Variants in NCAM2 observed in about 807,000 individuals in gnomAD.
NCAM2 encodes N-CAM-2.
In NCAM2, 30 loss-of-function variants were observed where a neutral mutation model predicts 98.1. The observed-to-expected ratio is 0.31, with a 90% CI of 0.23 to 0.41. NCAM2 has a LOEUF of 0.41. Among genes scored for constraint, NCAM2 ranks in the 10% least tolerant of loss-of-function variants. The pLI is 1.00. For missense variants in NCAM2, 867 were observed against 1,005.8 expected, an observed-to-expected ratio of 0.86 and a Z score of 1.87; for synonymous variants, 368 against 342.4, an observed-to-expected ratio of 1.07 and a Z score of -0.83.
intron 8 of NCAM2, among the ~76,000 whole-genome samples, chr21:21,348,039 C>T (rs1602059757): frequency 1.3e-5 from 2 of 152,022 alleles, no homozygotes; most frequent in East Asian, 3.9e-4. Flanking sequence ...AGTGTTTCCT[C>T]TAAGATCTGG....
At chr21:21,186,659 G>C (rs1372405734) in intron 1 of NCAM2, among the ~76,000 whole-genome samples, 1 of 151,902 alleles carries the variant, frequency 6.6e-6, no homozygotes, top group Non-Finnish European at 1.5e-5. Flanking sequence ...GAATTATTTG[G>C]ACATAAACAT....
At chr21:21,219,297 A>G (rs1020106187) in intron 1 of NCAM2, among the ~76,000 whole-genome samples, 2 of 152,226 alleles carry the variant, frequency 1.3e-5, no homozygotes, top group Non-Finnish European at 2.9e-5. Flanking sequence ...CAAGATTGTG[A>G]TAATTTGCTT....
intron 1 of NCAM2, among the ~76,000 whole-genome samples, chr21:21,236,286 C>T (rs1315033971): frequency 7.3e-6 from 1 of 137,146 alleles, no homozygotes; most frequent in East Asian, 1.9e-4. Flanking sequence ...GTTTGAAGAA[C>T]AAAAATTGTG....
At chr21:21,382,211 G>A (rs1441156573) in intron 9 of NCAM2, among the ~76,000 whole-genome samples, 1 of 152,032 alleles carries the variant, frequency 6.6e-6, no homozygotes, top group East Asian at 1.9e-4. Context: ...CTGAGCTTCT[G>A]GAATGTGGGG....
Position 21,513,484 on chromosome 21 carries a change from C to T in NCAM2, c.2282+4429C>T, listed in dbSNP as rs13313861. Reference sequence around the variant, plus strand: ...TCAGGAGCATATTTTTTTTAATTTCCATGTGTTTCTATTGTTTCCAAAGTT... The same window carrying T: ...TCAGGAGCATATTTTTTTTAATTTCTATGTGTTTCTATTGTTTCCAAAGTT... On this transcript the variant is annotated intron_variant, in intron 16 of 17. Transcript: ENST00000400546. Among the ~76,000 whole-genome samples, 1,041 of 151,214 alleles carry T rather than the reference C, an allele frequency of 6.9e-3. 13 individuals are homozygous for T. The highest frequency in any genetic ancestry group is 0.024 in the African/African-American group (1,001 of 41,218).
intron 9 of NCAM2, among the ~76,000 whole-genome samples, chr21:21,407,971 T>A (rs1423619392): frequency 6.6e-6 from 1 of 152,218 alleles, no homozygotes; most frequent in Non-Finnish European, 1.5e-5. Flanking sequence ...TTAGTTGAAC[T>A]GTTGAATTAA....
intron 1 of NCAM2, among the ~76,000 whole-genome samples, chr21:21,020,979 A>G (rs2064422448): frequency 1.3e-5 from 2 of 152,144 alleles, no homozygotes; most frequent in East Asian, 3.9e-4. Context: ...TATAGTAAAG[A>G]TTGTGGCAGT....
chr21:21,052,009 T>A (rs757062722), intron 1 of NCAM2, among the ~76,000 whole-genome samples: 19 of 151,956 alleles, frequency 1.3e-4, no homozygotes, highest in Non-Finnish European at 2.2e-4. Flanking sequence ...ATATGCAGGA[T>A]TTTTTTTAAC....
At chr21:21,431,766 T>G (rs2077350370) in intron 11 of NCAM2, among the ~76,000 whole-genome samples, 1 of 152,124 alleles carries the variant, frequency 6.6e-6, no homozygotes, top group South Asian at 2.1e-4. Context: ...TCTTTATCTC[T>G]CTTTTATTTT....
At chr21:21,203,325 T>G (rs1187270101) in intron 1 of NCAM2, among the ~76,000 whole-genome samples, 1 of 152,248 alleles carries the variant, frequency 6.6e-6, no homozygotes, top group African/African-American at 2.4e-5. Context: ...TATTCATTTA[T>G]GCTCACATAT....
intron 1 of NCAM2, among the ~76,000 whole-genome samples, chr21:21,002,984 TA>T (rs1355725661): frequency 6.6e-6 from 1 of 152,180 alleles, no homozygotes; most frequent in Non-Finnish European, 1.5e-5. Context: ...TTATTAAATG[TA>T]AAATTCCTGC....
At chr21:21,448,079 A>G (rs1171835409) in intron 12 of NCAM2, among the ~76,000 whole-genome samples, 1 of 152,148 alleles carries the variant, frequency 6.6e-6, no homozygotes, top group Non-Finnish European at 1.5e-5. Flanking sequence ...ATTCTACCCT[A>G]AAGACACATG....
At chr21:21,310,836 C>T (rs2074026274) in intron 5 of NCAM2, among the ~76,000 whole-genome samples, 1 of 152,162 alleles carries the variant, frequency 6.6e-6, no homozygotes, top group African/African-American at 2.4e-5. Context: ...CTTCCTCTTT[C>T]AACCTCTAAA....
intron 1 of NCAM2, among the ~76,000 whole-genome samples, chr21:21,143,663 T>C (rs969000611): frequency 6.6e-6 from 1 of 152,138 alleles, no homozygotes; most frequent in African/African-American, 2.4e-5. Flanking sequence ...AGTATTTTTT[T>C]CCCTCACTGT....
At chr21:21,286,503 G>C (rs893387098) in intron 4 of NCAM2, 91 bp downstream of exon 4, 9 of 1,375,868 alleles carry the variant, frequency 6.5e-6, no homozygotes, top group Non-Finnish European at 8.9e-6. Context: ...GTAGAAATTT[G>C]AATTTTTGAC....
intron 1 of NCAM2, among the ~76,000 whole-genome samples, chr21:21,032,559 G>C (rs1248891988): frequency 6.6e-6 from 1 of 152,106 alleles, no homozygotes; most frequent in East Asian, 1.9e-4. Context: ...AGAAAAATAT[G>C]TGTTGACTAA....
intron 1 of NCAM2, among the ~76,000 whole-genome samples, chr21:21,094,486 T>C (rs986173719): frequency 6.6e-6 from 1 of 151,820 alleles, no homozygotes; most frequent in Non-Finnish European, 1.5e-5. Context: ...ATAATAATAG[T>C]TTATCTAGAA....
chr21:21,265,449 C>T lies in NCAM2; in HGVS notation c.56-15129C>T, dbSNP rs2072217536. 1.7e-4 allele frequency among the ~76,000 whole-genome samples: 22 copies of T among 127,836 alleles called. 10 individuals carry two copies. Among genetic ancestry groups the T allele is most frequent in the South Asian group, 4.6e-4 (2 of 4,368 alleles). The allele number at this position is 127,836 out of a possible 152,430, so 83.9% of individuals were successfully genotyped here. Reference sequence around the variant, plus strand: ...TGTGTGTATATATATTATATATACACACATATATAATATATGTGTGTATAT... The same window carrying T: ...TGTGTGTATATATATTATATATACATACATATATAATATATGTGTGTATAT... On this transcript the variant is annotated intron_variant, in intron 1 of 17. Coordinates refer to ENST00000400546, the MANE Select transcript of NCAM2 (RefSeq NM_004540.5).
intron 8 of NCAM2, among the ~76,000 whole-genome samples, chr21:21,363,484 C>G (rs1384776422): frequency 6.6e-6 from 1 of 152,078 alleles, no homozygotes; most frequent in Non-Finnish European, 1.5e-5. Flanking sequence ...TGGAAAAAGG[C>G]TGTTTCTCAT....
Sources: gnomAD v4.1 joint callset for allele counts (sites outside exome capture counted in the v4.1 genomes callset) on GRCh38, gnomAD v4.1.1 for gene constraint, MANE v1.5 for transcripts, NCBI Gene and HGNC (gene_info 2026-07-23, HGNC 2026-07-21) for gene names.